DPP6: variants seen among roughly 807,000 people sequenced by gnomAD.
The protein encoded by DPP6 is dipeptidyl peptidase like 6.
DPP6 carries 69 observed loss-of-function variants against 122.6 expected under a neutral mutation model. The observed-to-expected ratio is 0.56, with a 90% CI of 0.46 to 0.69. The LOEUF (loss-of-function observed/expected upper bound fraction) is 0.69, where lower values mean the gene tolerates loss of function less well. DPP6 is among the 30% of genes least tolerant of loss of function. The pLI is 0.00. For synonymous variants in DPP6, 418 were observed against 433.1 expected (o/e 0.97, Z 0.43); for missense variants, 928 against 1,116.9 (o/e 0.83, Z 2.41).
chr7:153,856,031 G>C, the DPP6 span, among the ~76,000 whole-genome samples: 4 of 152,070 alleles, frequency 2.6e-5, no homozygotes. Context: ...TTCTGTACTG[G>C]GCAAGCACCA....
intron 1 of DPP6, among the ~76,000 whole-genome samples, chr7:154,318,871 A>G (rs1171945563): frequency 6.6e-6 from 1 of 152,126 alleles, no homozygotes; most frequent in Non-Finnish European, 1.5e-5. Context: ...TGGCCATTCG[A>G]GGGCCATGCT....
chr7:154,208,549 A>C (rs1385148054), intron 1 of DPP6, among the ~76,000 whole-genome samples: 2 of 152,230 alleles, frequency 1.3e-5, no homozygotes, highest in Non-Finnish European at 2.9e-5. Flanking sequence ...CTATGTACTT[A>C]CATAATTTGC....
chr7:154,647,269 C>G (rs768595155), intron 6 of DPP6, among the ~76,000 whole-genome samples: 2 of 152,192 alleles, frequency 1.3e-5, no homozygotes, highest in Non-Finnish European at 2.9e-5. Context: ...CTGGGGTCAT[C>G]TGGCCTGCTC....
chr7:154,879,242 A>G lies in DPP6; in HGVS notation c.2079-1646A>G, dbSNP rs1584963382. Reference sequence around the variant, plus strand: ...CGGATCACCGGAGTCCAGGAGTTCAATCAAGACCAGCTGGCCAACATGGTG... The same window carrying G: ...CGGATCACCGGAGTCCAGGAGTTCAGTCAAGACCAGCTGGCCAACATGGTG... On this transcript the variant is annotated intron_variant, in intron 20 of 25. Coordinates refer to ENST00000377770, the MANE Select transcript of DPP6 (RefSeq NM_130797.4). Among the ~76,000 whole-genome samples the G allele has an allele frequency of 2.0e-5, 3 of 152,148 alleles. No homozygotes were observed. The South Asian group carries it at 6.2e-4, about 32-fold the overall frequency.
intron 5 of DPP6, among the ~76,000 whole-genome samples, chr7:154,631,755 G>A (rs1835424186): frequency 6.6e-6 from 1 of 152,154 alleles, no homozygotes. Flanking sequence ...TTTTCAATGA[G>A]GGAGATTTGA....
intron 3 of DPP6, among the ~76,000 whole-genome samples, chr7:154,527,178 T>G (rs545477609): frequency 6.6e-6 from 1 of 152,362 alleles, no homozygotes; most frequent in Non-Finnish European, 1.5e-5. Flanking sequence ...CAAGAACTTA[T>G]GCATAGTCGA....
At chr7:153,793,937 G>A in the DPP6 span, among the ~76,000 whole-genome samples, 4 of 152,194 alleles carry the variant, frequency 2.6e-5, no homozygotes, top group South Asian at 8.3e-4. Context: ...GAGCCGGCAG[G>A]TGCACAATAG....
intron 1 of DPP6, among the ~76,000 whole-genome samples, chr7:154,084,814 C>A (rs1036052353): frequency 1.3e-5 from 2 of 148,828 alleles, no homozygotes; most frequent in Non-Finnish European, 1.5e-5. Flanking sequence ...ATGGTGAAAC[C>A]CCATCTCTAC....
At chr7:154,090,983 T>A (rs1215366208) in intron 1 of DPP6, among the ~76,000 whole-genome samples, 1 of 150,502 alleles carries the variant, frequency 6.6e-6, no homozygotes, top group Non-Finnish European at 1.5e-5. Flanking sequence ...TAGCCAGGCG[T>A]GGTGGCGGGT....
chr7:154,617,814 CAAGTT>C lies in DPP6; in HGVS notation c.628-20004_628-20000del, dbSNP rs1243405125. On this transcript the variant is annotated intron_variant, in intron 5 of 25. Transcript: ENST00000377770. ...TGCTAGAGTCCAGGCCAATGGAAAA[CAAGTT>C]AAAGACAGAAGGTTTAGTAGCACTG... 2.0e-5 allele frequency among the ~76,000 whole-genome samples: 3 copies of C among 152,066 alleles called. No individual in the cohort carries two copies. The East Asian group carries it at 5.8e-4, about 29-fold the overall frequency.
At chr7:153,822,992 T>G in the DPP6 span, among the ~76,000 whole-genome samples, 6 of 152,282 alleles carry the variant, frequency 3.9e-5, no homozygotes, top group East Asian at 1.2e-3. Flanking sequence ...TTAGGAAAGC[T>G]TCACTCAAGT....
At chr7:154,402,325 A>G (rs1261508167) in intron 1 of DPP6, among the ~76,000 whole-genome samples, 1 of 151,584 alleles carries the variant, frequency 6.6e-6, no homozygotes, top group Non-Finnish European at 1.5e-5. Context: ...ATTATTCACA[A>G]TAGCAAAGAC....
At chr7:153,958,750 A>G (rs2190996) in intron 1 of DPP6, among the ~76,000 whole-genome samples, 17 of 152,094 alleles carry the variant, frequency 1.1e-4, no homozygotes, top group South Asian at 4.1e-4. Context: ...CTTGGCTCCA[A>G]TCCCTGAAAG....
At chr7:154,550,593 A>G (rs1563840416) in intron 4 of DPP6, among the ~76,000 whole-genome samples, 1 of 152,188 alleles carries the variant, frequency 6.6e-6, no homozygotes, top group South Asian at 2.1e-4. Flanking sequence ...AACTTGGGAA[A>G]TATTTGTGTT....
chr7:154,757,825 G>T (rs1795233236), intron 8 of DPP6, among the ~76,000 whole-genome samples: 1 of 152,222 alleles, frequency 6.6e-6, no homozygotes, highest in Admixed American at 6.5e-5. Flanking sequence ...GCCTTCACAG[G>T]TTGGCAGAGG....
At chr7:154,712,139 A>C (rs1841227617) in intron 7 of DPP6, among the ~76,000 whole-genome samples, 1 of 152,226 alleles carries the variant, frequency 6.6e-6, no homozygotes, top group Non-Finnish European at 1.5e-5. Context: ...ACCTTGGGAT[A>C]GTTTTCCTGT....
intron 7 of DPP6, among the ~76,000 whole-genome samples, chr7:154,713,767 A>G (rs1261356784): frequency 6.6e-6 from 1 of 152,164 alleles, no homozygotes; most frequent in African/African-American, 2.4e-5. Context: ...GGCTGCCATG[A>G]AGGTCTCTGA....
intron 17 of DPP6, among the ~76,000 whole-genome samples, chr7:154,854,394 T>C (rs1433142166): frequency 6.6e-6 from 1 of 152,176 alleles, no homozygotes; most frequent in Non-Finnish European, 1.5e-5. Flanking sequence ...TTATAGCCAG[T>C]GACCAGAGAA....
intron 1 of DPP6, among the ~76,000 whole-genome samples, chr7:154,294,702 C>A (rs775180448): frequency 2.6e-5 from 4 of 152,140 alleles, no homozygotes; most frequent in Non-Finnish European, 5.9e-5. Context: ...TTCTGGGAAA[C>A]AAGAAGAGGA....
Sources: gnomAD v4.1 joint callset for allele counts (sites outside exome capture counted in the v4.1 genomes callset) on GRCh38, gnomAD v4.1.1 for gene constraint, MANE v1.5 for transcripts, NCBI Gene and HGNC (gene_info 2026-07-23, HGNC 2026-07-21) for gene names.